Variants in TRIM55 observed in about 807,000 individuals in gnomAD.
The protein encoded by TRIM55 is tripartite motif containing 55.
In TRIM55, 50 loss-of-function variants were observed where a neutral mutation model predicts 60.9. The ratio of observed to expected loss-of-function variants is 0.82; its 90% confidence interval spans 0.65 to 1.04. The LOEUF is 1.04. Among genes scored for constraint, TRIM55 ranks in the 50% least tolerant of loss-of-function variants. The probability of loss-of-function intolerance (pLI) is 0.00; values close to 1 mark genes in which losing one functional copy is unlikely to be tolerated. For synonymous variants in TRIM55, 237 were observed against 238.1 expected (o/e 1.00, Z 0.04); for missense variants, 681 against 666.9 (o/e 1.02, Z -0.23).
At chr8:66,160,691 A>C (rs1163988445) in intron 9 of TRIM55, among the ~76,000 whole-genome samples, 1 of 151,428 alleles carries the variant, frequency 6.6e-6, no homozygotes, top group African/African-American at 2.4e-5. Context: ...TTTTTTTTTA[A>C]TATTTTGATT....
In TRIM55 at chr8:66,134,978, A is replaced by G; in HGVS notation, c.342-12A>G. The G allele has an allele frequency of 6.2e-7, 1 of 1,613,616 alleles. No individual in the cohort carries two copies. The highest frequency in any genetic ancestry group is 8.5e-7 in the Non-Finnish European group (1 of 1,179,748). On this transcript the variant is annotated splice_polypyrimidine_tract_variant and intron_variant, in intron 2 of 9. Coordinates refer to ENST00000315962, the MANE Select transcript of TRIM55 (RefSeq NM_184085.2). Reference sequence around the variant, plus strand: ...AGAGCTGATGGACATTTATCTGCCTACCTCCTCCCAGGCCAGAAAAGAAAT... The same window carrying G: ...AGAGCTGATGGACATTTATCTGCCTGCCTCCTCCCAGGCCAGAAAAGAAAT...
chr8:66,150,202 T>C lies in TRIM55; in HGVS notation c.838-15T>C, dbSNP rs759284879. On this transcript the variant is annotated splice_polypyrimidine_tract_variant and intron_variant, in intron 5 of 9. Transcript: ENST00000315962. ...AAATAATTTAAGTAAGACTATCTTT[T>C]GTTTGCTTTCACAGAATGCCAAAAC... 2 of 1,611,810 alleles carry C rather than the reference T, an allele frequency of 1.2e-6. No individual in the cohort carries two copies. The highest frequency in any genetic ancestry group is 1.7e-4 in the Middle Eastern group (1 of 6,030).
At position 66,174,537 on chromosome 8, in the gene TRIM55, T is replaced by C; in HGVS notation, c.1591T>C (p.Ser531Pro). 6.2e-7 allele frequency: 1 copy of C among 1,611,510 alleles called. No homozygotes were observed. Among genetic ancestry groups the C allele is most frequent in the Non-Finnish European group, 8.5e-7 (1 of 1,179,318 alleles). Residue 531 changes from serine (S) to proline (P), a missense_variant, in exon 10 of 10, where the codon TCT (serine) becomes CCT (proline). Transcript: ENST00000315962. ...AAPASGSGAD[S>P]EPARHIFSFS... ...TCCAGCGAGTGGCAGTGGAGCTGATTCTGAGCCAGCTCGCCATATCTTCTC... is the reference window on the plus strand; with the variant it reads ...TCCAGCGAGTGGCAGTGGAGCTGATCCTGAGCCAGCTCGCCATATCTTCTC...
At chr8:66,153,251 T>C (rs749720298) in intron 8 of TRIM55, among the ~76,000 whole-genome samples, 3 of 152,216 alleles carry the variant, frequency 2.0e-5, no homozygotes, top group Non-Finnish European at 2.9e-5. Flanking sequence ...GATGAGATTG[T>C]GTGTTGACAG....
At chr8:66,121,045 G>GA in the TRIM55 span, among the ~76,000 whole-genome samples, 15 of 152,204 alleles carry the variant, frequency 9.9e-5, no homozygotes, top group Non-Finnish European at 2.1e-4. Flanking sequence ...CCTGGCCCCT[G>GA]AAAAAGCCTG....
At chr8:66,155,258 G>C (rs1296031603) in intron 9 of TRIM55, among the ~76,000 whole-genome samples, 2 of 152,216 alleles carry the variant, frequency 1.3e-5, no homozygotes, top group Non-Finnish European at 2.9e-5. Context: ...CTGCCCAAGA[G>C]ACTTCAATTC....
At chr8:66,114,733 G>A in the TRIM55 span, 1 of 428,984 alleles carries the variant, frequency 2.3e-6, no homozygotes, top group Non-Finnish European at 4.7e-6. Flanking sequence ...CCTGGCTCTG[G>A]GCAGATCCGA....
chr8:66,120,874 A>G, the TRIM55 span, among the ~76,000 whole-genome samples: 1 of 152,208 alleles, frequency 6.6e-6, no homozygotes, highest in Non-Finnish European at 1.5e-5. Context: ...GAACCTCCAA[A>G]TTTGTAGCCA....
At chr8:66,118,745 C>G in the TRIM55 span, among the ~76,000 whole-genome samples, 1 of 152,194 alleles carries the variant, frequency 6.6e-6, no homozygotes, top group African/African-American at 2.4e-5. Context: ...CTTCTGTGGT[C>G]AGATGGGTTA....
chr8:66,161,506 G>A (rs1811047670), intron 9 of TRIM55, among the ~76,000 whole-genome samples: 1 of 151,932 alleles, frequency 6.6e-6, no homozygotes, highest in Non-Finnish European at 1.5e-5. Flanking sequence ...TTTGGCTTAT[G>A]AGGGCTCTTT....
intron 4 of TRIM55, among the ~76,000 whole-genome samples, chr8:66,148,440 T>A (rs1326213975): frequency 6.6e-6 from 1 of 152,232 alleles, no homozygotes; most frequent in East Asian, 1.9e-4. Context: ...TGGTAACTAT[T>A]ATGAGATTTC....
chr8:66,148,925 T>C (rs973447435), intron 4 of TRIM55, among the ~76,000 whole-genome samples: 1 of 152,148 alleles, frequency 6.6e-6, no homozygotes, highest in Non-Finnish European at 1.5e-5. Flanking sequence ...GGCAGGTGCC[T>C]GTAATTCTAG....
chr8:66,157,390 A>C (rs73249984), intron 9 of TRIM55, among the ~76,000 whole-genome samples: 126 of 152,350 alleles, frequency 8.3e-4, no homozygotes, highest in African/African-American at 3.0e-3. Flanking sequence ...TAGAGACCTC[A>C]CTATAGTAGC....
At position 66,164,532 on chromosome 8, in the gene TRIM55, G is replaced by T. The variant is rs182519292; in HGVS notation, c.1525-9939G>T. On this transcript the variant is annotated intron_variant, in intron 9 of 9. Transcript: ENST00000315962. Reference sequence around the variant, plus strand: ...CTTCCAGCACTGGCTTGTCCTCTTGGCTGAGAAAGTCCAATGGTTCCCAGC... The same window carrying T: ...CTTCCAGCACTGGCTTGTCCTCTTGTCTGAGAAAGTCCAATGGTTCCCAGC... 6.9e-3 allele frequency among the ~76,000 whole-genome samples: 1,055 copies of T among 152,278 alleles called. 8 individuals carry two copies. Among genetic ancestry groups the T allele is most frequent in the Non-Finnish European group, 0.011 (778 of 68,018 alleles).
intron 4 of TRIM55, among the ~76,000 whole-genome samples, chr8:66,143,086 C>T (rs1172953032): frequency 6.6e-6 from 1 of 152,156 alleles, no homozygotes; most frequent in Admixed American, 6.5e-5. Context: ...ATAGCTCTAA[C>T]AAGTATGTCT....
Position 66,149,792 on chromosome 8 carries a change from T to C in TRIM55, c.751T>C (p.Tyr251His). 6.2e-7 allele frequency: 1 copy of C among 1,614,208 alleles called. No individual in the cohort carries two copies. Among genetic ancestry groups the C allele is most frequent in the South Asian group, 1.1e-5 (1 of 91,090 alleles). ...LEHVRALIKKYSDHLENVSKL... is the reference protein window; with the variant it reads ...LEHVRALIKKHSDHLENVSKL... ...ACATGTCCGTGCTCTGATCAAAAAGTATTCTGATCATTTGGAGAACGTCTC... is the reference window on the plus strand; with the variant it reads ...ACATGTCCGTGCTCTGATCAAAAAGCATTCTGATCATTTGGAGAACGTCTC... Residue 251 changes from tyrosine to histidine, a missense_variant, in exon 5 of 10, where the codon TAT becomes CAT. Tyr to His is a moderately conservative substitution (Grantham distance 83). Transcript: ENST00000315962.
the TRIM55 span, among the ~76,000 whole-genome samples, chr8:66,114,141 G>A: frequency 7.1e-6 from 1 of 141,296 alleles, no homozygotes; most frequent in African/African-American, 2.7e-5. Context: ...AGCGCTCAAT[G>A]TTCTGACCCT....
At position 66,149,637 on chromosome 8, in the gene TRIM55, A is replaced by G. The variant is rs779645409; in HGVS notation, c.604-8A>G. Reference sequence around the variant, plus strand: ...ATACTTTCTAACATTAGCTAACCCAACTAATAGGAATGTTGCAGAAAACAG... The same window carrying G: ...ATACTTTCTAACATTAGCTAACCCAGCTAATAGGAATGTTGCAGAAAACAG... On this transcript the variant is annotated splice_polypyrimidine_tract_variant and splice_region_variant and intron_variant, in intron 4 of 9. Coordinates refer to ENST00000315962, the MANE Select transcript of TRIM55 (RefSeq NM_184085.2). 4.3e-5 allele frequency: 69 copies of G among 1,604,388 alleles called. No individual in the cohort carries two copies. Among genetic ancestry groups the G allele is most frequent in the Admixed American group, 5.0e-5 (3 of 59,962 alleles).
chr8:66,166,845 G>T (rs1312482626), intron 9 of TRIM55, among the ~76,000 whole-genome samples: 1 of 152,160 alleles, frequency 6.6e-6, no homozygotes, highest in Non-Finnish European at 1.5e-5. Flanking sequence ...AAAAGTGGAT[G>T]AATCCCCACT....
Sources: gnomAD v4.1 joint callset for allele counts (sites outside exome capture counted in the v4.1 genomes callset) on GRCh38, gnomAD v4.1.1 for gene constraint, MANE v1.5 for transcripts, NCBI Gene and HGNC (gene_info 2026-07-23, HGNC 2026-07-21) for gene names.